The following DCLK2 variants were observed in gnomAD, a reference collection of about 807,000 sequenced individuals.
DCLK2 encodes serine/threonine-protein kinase DCLK2.
In DCLK2, 31 loss-of-function variants were observed where a neutral mutation model predicts 78.4. The observed-to-expected ratio is 0.40, with a 90% CI of 0.30 to 0.53. The LOEUF (loss-of-function observed/expected upper bound fraction) is 0.53, where lower values mean the gene tolerates loss of function less well. Among genes scored for constraint, DCLK2 ranks in the 20% least tolerant of loss-of-function variants. The pLI, the probability that DCLK2 is intolerant of heterozygous loss-of-function variation, is 0.61. For synonymous variants in DCLK2, 407 were observed against 374.9 expected, an observed-to-expected ratio of 1.09 and a Z score of -0.99; for missense variants, 872 against 973.7, an observed-to-expected ratio of 0.90 and a Z score of 1.39.
chr4:150,085,028 C>T (rs1349914259), intron 1 of DCLK2, among the ~76,000 whole-genome samples: 1 of 152,096 alleles, frequency 6.6e-6, no homozygotes. Context: ...CTTGTAATAC[C>T]TTCTGAAATA....
chr4:150,100,904 C>A (rs1434153799), intron 1 of DCLK2, among the ~76,000 whole-genome samples: 1 of 152,166 alleles, frequency 6.6e-6, no homozygotes, highest in African/African-American at 2.4e-5. Flanking sequence ...CCCCAGTTAT[C>A]TTGGGCAGTG....
At chr4:150,240,005 G>A (rs1742793348) in intron 11 of DCLK2, 130 bp downstream of exon 11, 1 of 1,038,398 alleles carries the variant, frequency 9.6e-7, no homozygotes, top group Admixed American at 2.9e-5. Context: ...TGTGTATACA[G>A]TTGGTAAGAA....
intron 2 of DCLK2, among the ~76,000 whole-genome samples, chr4:150,138,705 C>G (rs969357833): frequency 2.6e-5 from 4 of 152,254 alleles, no homozygotes; most frequent in Middle Eastern, 3.4e-3. Context: ...CTCACTCTGT[C>G]ACCCAGGGTG....
chr4:150,250,631 G>A (rs1017699089), intron 15 of DCLK2, among the ~76,000 whole-genome samples: 5 of 151,700 alleles, frequency 3.3e-5, no homozygotes, highest in African/African-American at 7.3e-5. Context: ...TGGGCCCCCC[G>A]TGACCCCACT....
At chr4:150,105,363 AC>A (rs1405917791) in intron 2 of DCLK2, among the ~76,000 whole-genome samples, 3 of 151,402 alleles carry the variant, frequency 2.0e-5, no homozygotes, top group East Asian at 3.8e-4. Flanking sequence ...AAAAGTCTAA[AC>A]AATTTGAAAA....
In DCLK2 at chr4:150,232,208, T is replaced by C. The variant is rs1269068164; in HGVS notation, c.1300-129T>C. On this transcript the variant is annotated intron_variant, in intron 8 of 15. Coordinates refer to ENST00000296550, the MANE Select transcript of DCLK2 (RefSeq NM_001040260.4). ...GACAATTAGGTCAGGTTTAGTTGTC[T>C]TTGTGCCAAGAGCAATGCTTTCTTT... The C allele has an allele frequency of 3.3e-6, 4 of 1,196,516 alleles. No individual in the cohort carries two copies. The East Asian group carries it at 7.0e-5, about 21-fold the overall frequency. The allele number at this position is 1,196,516 out of a possible 1,614,324, so 74.1% of individuals were successfully genotyped here.
At chr4:150,216,549 G>T (rs1190287081) in intron 5 of DCLK2, among the ~76,000 whole-genome samples, 1 of 152,148 alleles carries the variant, frequency 6.6e-6, no homozygotes, top group Admixed American at 6.5e-5. Flanking sequence ...TGAGGCAGGA[G>T]AATCGCTTGA....
Position 150,232,821 on chromosome 4 carries a change from A to C in DCLK2, c.1559A>C (p.Asn520Thr). Residue 520 changes from asparagine (N) to threonine (T), a missense_variant, in exon 10 of 16, where the codon AAT becomes ACT. By Grantham distance (65) the Asn-to-Thr change is moderately conservative. Coordinates refer to ENST00000296550, the MANE Select transcript of DCLK2 (RefSeq NM_001040260.4). ...GTGCACAGAGACATCAAACCAGAGA[A>C]TCTCTTGGTATGTCATCCCTGCTTT... ...SIVHRDIKPE[N>T]LLVCEYPDGT... The C allele has an allele frequency of 6.2e-7, 1 of 1,611,736 alleles. No homozygotes were observed. The highest frequency in any genetic ancestry group is 8.5e-7 in the Non-Finnish European group (1 of 1,178,738).
chr4:150,163,398 AAAATAAAT>A (rs146823719), intron 2 of DCLK2, among the ~76,000 whole-genome samples: 17 of 150,700 alleles, frequency 1.1e-4, no homozygotes, highest in South Asian at 6.4e-4. Context: ...ACTCCGTCTC[AAAATAAAT>A]AAATAAATAA....
intron 8 of DCLK2, among the ~76,000 whole-genome samples, chr4:150,231,788 G>T (rs12513356): frequency 6.6e-6 from 1 of 152,152 alleles, no homozygotes; most frequent in Admixed American, 6.5e-5. Flanking sequence ...TCTGGTGAAT[G>T]ATTTCATATC....
At chr4:150,248,426 C>A in intron 14 of DCLK2, 41 bp downstream of exon 14, 2 of 1,513,502 alleles carry the variant, frequency 1.3e-6, no homozygotes, top group Non-Finnish European at 1.8e-6. Flanking sequence ...TCACTGTGCT[C>A]TGTGGCCAAC....
chr4:150,249,469 A>C (rs1053176461), intron 14 of DCLK2, 99 bp from the exon 15 acceptor site: 28 of 904,906 alleles, frequency 3.1e-5, no homozygotes, highest in Non-Finnish European at 4.6e-5. Context: ...GGAAGAGGTC[A>C]GGAGGGTGGT....
intron 2 of DCLK2, among the ~76,000 whole-genome samples, chr4:150,138,667 A>G (rs1580577013): frequency 9.5e-6 from 1 of 104,830 alleles, no homozygotes; most frequent in East Asian, 3.5e-4. Flanking sequence ...GGCAGATGGG[A>G]CTCTTATTCT....
At chr4:150,222,857 CTG>C (rs1175019268) in intron 7 of DCLK2, among the ~76,000 whole-genome samples, 1 of 149,448 alleles carries the variant, frequency 6.7e-6, no homozygotes, top group Non-Finnish European at 1.5e-5. Context: ...CAGACCAAGA[CTG>C]TGTCTCAAAA....
At chr4:150,213,857 C>A (rs1331974881) in intron 5 of DCLK2, among the ~76,000 whole-genome samples, 3 of 152,132 alleles carry the variant, frequency 2.0e-5, no homozygotes, top group Non-Finnish European at 4.4e-5. Context: ...TTCTCATAAA[C>A]TTAGAGGATA....
At chr4:150,255,938 C>T in intron 15 of DCLK2, 82 bp from the exon 16 acceptor site, 1 of 1,536,572 alleles carries the variant, frequency 6.5e-7, no homozygotes, top group Non-Finnish European at 8.8e-7. Context: ...CCCGTGCATG[C>T]TCTGTTGTGC....
At chr4:150,197,569 C>T (rs1376758448) in intron 3 of DCLK2, among the ~76,000 whole-genome samples, 1 of 152,076 alleles carries the variant, frequency 6.6e-6, no homozygotes, top group African/African-American at 2.4e-5. Context: ...GCCTGGCCAA[C>T]ATAGTGAAAC....
intron 2 of DCLK2, among the ~76,000 whole-genome samples, chr4:150,124,461 A>G (rs1474773944): frequency 6.6e-6 from 1 of 152,214 alleles, no homozygotes; most frequent in Non-Finnish European, 1.5e-5. Context: ...ATGCCATTTT[A>G]AGAATGAGTT....
At chr4:150,102,835 C>T in intron 2 of DCLK2, 23 bp downstream of exon 2, 1 of 1,566,542 alleles carries the variant, frequency 6.4e-7, no homozygotes, top group East Asian at 2.2e-5. Context: ...TAGCTCCCAG[C>T]TCTCCATCTG....
Sources: gnomAD v4.1 joint callset for allele counts (sites outside exome capture counted in the v4.1 genomes callset) on GRCh38, gnomAD v4.1.1 for gene constraint, MANE v1.5 for transcripts, NCBI Gene and HGNC (gene_info 2026-07-23, HGNC 2026-07-21) for gene names.